The following UGT2B7 variants were observed in gnomAD, a reference collection of about 807,000 sequenced individuals.
UGT2B7 encodes the protein UDP glucuronosyltransferase family 2 member B7.
UGT2B7 carries 51 observed loss-of-function variants against 51.9 expected under a neutral mutation model. The ratio of observed to expected loss-of-function variants is 0.98; its 90% confidence interval spans 0.78 to 1.24. UGT2B7 has a LOEUF of 1.24. Among genes scored for constraint, UGT2B7 ranks in the 50% most tolerant of loss-of-function variants. The pLI is 0.00. For missense variants in UGT2B7, 727 were observed against 628.4 expected (o/e 1.16, Z -1.68); for synonymous variants, 225 against 211.6 (o/e 1.06, Z -0.55).
intron 1 of UGT2B7, among the ~76,000 whole-genome samples, chr4:69,074,363 A>G (rs1346836877): frequency 2.0e-5 from 3 of 151,304 alleles, no homozygotes; most frequent in South Asian, 2.1e-4. Flanking sequence ...TTGAGGCTGC[A>G]GTGAGCCCTG....
intron 2 of UGT2B7, among the ~76,000 whole-genome samples, chr4:69,091,429 T>C (rs1311491981): frequency 1.3e-5 from 2 of 152,152 alleles, no homozygotes; most frequent in Non-Finnish European, 2.9e-5. Flanking sequence ...AAATATAGAT[T>C]AGTACAGTTA....
At chr4:69,091,477 AT>A (rs1426138383), upstream of UGT2B7, among the ~76,000 whole-genome samples, 4 of 152,234 alleles carry the variant, frequency 2.6e-5, no homozygotes, top group African/African-American at 9.6e-5. Context: ...GTTGGAACAA[AT>A]TTTTCTGGAT....
chr4:69,055,078 G>T (rs1268158119), intron 1 of UGT2B7, among the ~76,000 whole-genome samples: 1 of 88,720 alleles, frequency 1.1e-5, no homozygotes, highest in East Asian at 3.4e-4. Flanking sequence ...TTTTCTAAGT[G>T]ACAGAAGTAA....
At chr4:69,065,851 T>C (rs1381085207) in intron 1 of UGT2B7, among the ~76,000 whole-genome samples, 1 of 144,060 alleles carries the variant, frequency 6.9e-6, no homozygotes, top group East Asian at 2.1e-4. Flanking sequence ...AGATCATTAG[T>C]AATTTTTTAA....
chr4:69,099,862 A>G (rs934170653), intron 2 of UGT2B7, among the ~76,000 whole-genome samples: 1 of 152,072 alleles, frequency 6.6e-6, no homozygotes, highest in Non-Finnish European at 1.5e-5. Flanking sequence ...TTGCAGAGTC[A>G]TAGTTGACAG....
upstream of UGT2B7, among the ~76,000 whole-genome samples, chr4:69,094,485 G>A (rs955622006): frequency 2.6e-5 from 4 of 152,150 alleles, no homozygotes; most frequent in Non-Finnish European, 5.9e-5. Flanking sequence ...TTTACACAAT[G>A]CTATAGCATA....
At position 69,096,672 on chromosome 4, in the gene UGT2B7, A is replaced by G; in HGVS notation, c.152A>G (p.His51Arg). ...CTGGATGAGCTTATTCAGAGAGGTCATGAGGTGACTGTACTGGCATCTTCA... is the reference window on the plus strand; with the variant it reads ...CTGGATGAGCTTATTCAGAGAGGTCGTGAGGTGACTGTACTGGCATCTTCA... ...TILDELIQRG[H>R]EVTVLASSAS... Residue 51 changes from histidine to arginine, a missense_variant, in exon 1 of 6, where the codon CAT becomes CGT. Coordinates refer to ENST00000305231, the MANE Select transcript of UGT2B7 (RefSeq NM_001074.4). 1 of 1,614,036 alleles carries G rather than the reference A, an allele frequency of 6.2e-7. No homozygotes were observed. Among genetic ancestry groups the G allele is most frequent in the Non-Finnish European group, 8.5e-7 (1 of 1,179,942 alleles).
chr4:69,082,254 GGTCCCTAAGTAGAAGGGAGAGTAC>G (rs1222203462), intron 1 of UGT2B7, among the ~76,000 whole-genome samples: 3 of 151,846 alleles, frequency 2.0e-5, no homozygotes, highest in African/African-American at 7.3e-5. Flanking sequence ...AACTTACGAA[GGTCCCTAAGTAGAAGGGAGAGTAC>G]CACATCTTTC....
intron 5 of UGT2B7, among the ~76,000 whole-genome samples, chr4:69,111,051 G>T (rs1719757175): frequency 6.6e-6 from 1 of 152,128 alleles, no homozygotes; most frequent in African/African-American, 2.4e-5. Flanking sequence ...GAAGCCACAA[G>T]AAGGGAGAGA....
chr4:69,106,332 A>T (rs560500194), intron 3 of UGT2B7, among the ~76,000 whole-genome samples: 1 of 152,238 alleles, frequency 6.6e-6, no homozygotes, highest in South Asian at 2.1e-4. Flanking sequence ...CCTTCCACTT[A>T]TAAGTGAGGA....
chr4:69,104,424 C>T (rs1240004921), intron 3 of UGT2B7, among the ~76,000 whole-genome samples: 5 of 151,684 alleles, frequency 3.3e-5, no homozygotes, highest in East Asian at 3.9e-4. Context: ...TAAATATTCC[C>T]GTATGGTTAG....
At chr4:69,057,054 T>A (rs1718220401) in intron 1 of UGT2B7, among the ~76,000 whole-genome samples, 1 of 152,188 alleles carries the variant, frequency 6.6e-6, no homozygotes, top group Admixed American at 6.5e-5. Flanking sequence ...ATTCATAAAT[T>A]CCAGACATTG....
At chr4:69,083,626 C>T (rs573911173) in intron 1 of UGT2B7, among the ~76,000 whole-genome samples, 171 of 152,170 alleles carry the variant, frequency 1.1e-3, no homozygotes, top group African/African-American at 4.0e-3. Context: ...TATTCCTACA[C>T]AATTTCATTT....
At chr4:69,106,333 T>C (rs966960143) in intron 3 of UGT2B7, among the ~76,000 whole-genome samples, 11 of 152,172 alleles carry the variant, frequency 7.2e-5, no homozygotes, top group African/African-American at 2.4e-4. Flanking sequence ...CTTCCACTTA[T>C]AAGTGAGGAC....
intron 3 of UGT2B7, among the ~76,000 whole-genome samples, chr4:69,105,534 A>T (rs1342132809): frequency 2.0e-5 from 3 of 152,248 alleles, no homozygotes; most frequent in Admixed American, 1.3e-4. Flanking sequence ...CACTATTGTC[A>T]AAGCTTTGTA....
chr4:69,105,405 G>A (rs1440963044), intron 3 of UGT2B7, among the ~76,000 whole-genome samples: 1 of 152,208 alleles, frequency 6.6e-6, no homozygotes, highest in Non-Finnish European at 1.5e-5. Context: ...CTTTAACACT[G>A]ATGTAGCAAA....
chr4:69,057,067 T>C (rs1360895110), intron 1 of UGT2B7, among the ~76,000 whole-genome samples: 2 of 152,214 alleles, frequency 1.3e-5, no homozygotes, highest in Non-Finnish European at 1.5e-5. Context: ...AGACATTGTA[T>C]AGAAGAACAT....
At chr4:69,070,035 G>A (rs1220016176) in intron 1 of UGT2B7, 1 of 151,512 alleles carries the variant, frequency 6.6e-6, no homozygotes, top group Non-Finnish European at 1.5e-5. Context: ...TTTAATCTTT[G>A]TTAAACATTA....
chr4:69,086,293 C>T (rs1385532255), intron 1 of UGT2B7, among the ~76,000 whole-genome samples: 1 of 151,340 alleles, frequency 6.6e-6, no homozygotes, highest in Non-Finnish European at 1.5e-5. Context: ...TGTACATGTT[C>T]CCATATTCTT....
Sources: allele counts gnomAD v4.1 joint callset (sites outside exome capture counted in the v4.1 genomes callset), GRCh38; gene constraint gnomAD v4.1.1; transcripts MANE v1.5; gene names NCBI Gene and HGNC (gene_info 2026-07-23, HGNC 2026-07-21).